Variants in VPS8 observed in about 807,000 individuals in gnomAD.
VPS8 encodes vacuolar protein sorting-associated protein 8 homolog.
VPS8 carries 129 observed loss-of-function variants against 216.4 expected under a neutral mutation model. The ratio of observed to expected loss-of-function variants is 0.60; its 90% confidence interval spans 0.52 to 0.69. The LOEUF (loss-of-function observed/expected upper bound fraction) is 0.69. VPS8 is among the 30% of genes least tolerant of loss of function. VPS8 has a pLI of 0.00. For missense variants in VPS8, 1,531 were observed against 1,683.5 expected (o/e 0.91, Z 1.59); for synonymous variants, 571 against 565.4 (o/e 1.01, Z -0.14).
chr3:185,024,355 A>G lies in VPS8; in HGVS notation c.4022A>G (p.Tyr1341Cys), dbSNP rs1186101030. ...TPSQVKMSPS[Y>C]HQSKGDPTAK... ...TTCCAGGTAAAAATGTCTCCATCGT[A>G]TCATCAGTCCAAAGGGGATCCCACT... Residue 1341 changes from tyrosine to cysteine, a missense_variant, in exon 46 of 48, where the codon TAT (tyrosine) becomes TGT (cysteine). By Grantham distance (194) the Tyr-to-Cys change is radical. Coordinates refer to ENST00000625842, the MANE Select transcript of VPS8 (RefSeq NM_001009921.3). 1.3e-6 allele frequency: 2 copies of G among 1,597,822 alleles called. No individual in the cohort carries two copies. The highest frequency in any genetic ancestry group is 8.5e-7 in the Non-Finnish European group (1 of 1,171,440).
At chr3:184,824,517 G>T (rs1718292326) in intron 1 of VPS8, 28 bp from the exon 2 acceptor site, 1 of 1,116,844 alleles carries the variant, frequency 9.0e-7, no homozygotes, top group Non-Finnish European at 1.3e-6. Flanking sequence ...GTTTTGTTTT[G>T]TTTTTGTTTT....
At chr3:184,943,344 G>A (rs1421876402) in intron 36 of VPS8, among the ~76,000 whole-genome samples, 1 of 152,186 alleles carries the variant, frequency 6.6e-6, no homozygotes, top group Non-Finnish European at 1.5e-5. Context: ...AAAGCGCAGA[G>A]CACATGGATT....
intron 45 of VPS8, among the ~76,000 whole-genome samples, chr3:185,002,531 T>G (rs1298952308): frequency 6.6e-6 from 1 of 152,166 alleles, no homozygotes; most frequent in African/African-American, 2.4e-5. Flanking sequence ...ATTTCTGAGA[T>G]TTTGGTGCAC....
In VPS8 at chr3:184,919,319, A is replaced by G. The variant is rs560788922; in HGVS notation, c.2383-808A>G. Among the ~76,000 whole-genome samples the G allele has an allele frequency of 1.8e-3, 268 of 152,376 alleles. 1 individual carries two copies. The highest frequency in any genetic ancestry group is 6.3e-3 in the African/African-American group (262 of 41,598). ...TGCTACGTGGATTTAAACATTTCTC[A>G]GAATCAAATGAACTAAGTGAAAACC... On this transcript the variant is annotated intron_variant, in intron 28 of 47. Transcript: ENST00000625842.
intron 9 of VPS8, 103 bp from the exon 10 acceptor site, chr3:184,849,833 A>G (rs924357366): frequency 3.6e-6 from 3 of 842,784 alleles, no homozygotes; most frequent in African/African-American, 3.4e-5. Flanking sequence ...TTTGCCTGCA[A>G]TGTTTATAGT....
At chr3:185,017,286 C>CA (rs1451382271) in intron 45 of VPS8, among the ~76,000 whole-genome samples, 1 of 152,080 alleles carries the variant, frequency 6.6e-6, no homozygotes, top group African/African-American at 2.4e-5. Flanking sequence ...CGTGGACGGC[C>CA]AGTGCTATAG....
intron 40 of VPS8, among the ~76,000 whole-genome samples, chr3:184,972,320 C>T (rs1417834043): frequency 6.6e-6 from 1 of 152,166 alleles, no homozygotes; most frequent in African/African-American, 2.4e-5. Flanking sequence ...TGCCTGTTCT[C>T]TTTGGACTGA....
At chr3:184,914,121 T>C (rs1034299345) in intron 26 of VPS8, among the ~76,000 whole-genome samples, 2 of 152,216 alleles carry the variant, frequency 1.3e-5, no homozygotes, top group Non-Finnish European at 2.9e-5. Context: ...TTTCGGTAGA[T>C]GACTATTTGT....
intron 29 of VPS8, 32 bp from the exon 30 acceptor site, chr3:184,924,830 G>C: frequency 2.5e-6 from 4 of 1,577,822 alleles, no homozygotes; most frequent in Non-Finnish European, 3.4e-6. Flanking sequence ...ACCAAATGGT[G>C]TATTGAATAA....
At chr3:185,046,372 GATTAGGCTCAGTAAAC>G (rs1712913217) in intron 46 of VPS8, among the ~76,000 whole-genome samples, 1 of 152,206 alleles carries the variant, frequency 6.6e-6, no homozygotes, top group African/African-American at 2.4e-5. Flanking sequence ...TAAAAGCCAT[GATTAGGCTCAGTAAAC>G]ATTACTGTTT....
At chr3:184,968,800 C>A (rs1198390384) in intron 39 of VPS8, among the ~76,000 whole-genome samples, 2 of 152,176 alleles carry the variant, frequency 1.3e-5, no homozygotes, top group Non-Finnish European at 1.5e-5. Flanking sequence ...TTTAGATTAT[C>A]CTCTTTAACA....
intron 8 of VPS8, among the ~76,000 whole-genome samples, chr3:184,843,834 G>GT (rs1326736695): frequency 1.3e-5 from 2 of 152,116 alleles, no homozygotes; most frequent in South Asian, 2.1e-4. Context: ...TTTATTTACT[G>GT]TTTAAGTTTT....
intron 5 of VPS8, among the ~76,000 whole-genome samples, chr3:184,837,514 G>A (rs532969129): frequency 6.6e-6 from 1 of 152,262 alleles, no homozygotes; most frequent in South Asian, 2.1e-4. Context: ...TAATTGTCGA[G>A]CATTATGTTA....
chr3:184,832,542 G>A (rs1326528313), intron 3 of VPS8, 147 bp from the exon 4 acceptor site: 3 of 684,468 alleles, frequency 4.4e-6, no homozygotes, highest in East Asian at 2.9e-5. Context: ...ATTCTGTATG[G>A]TTTCTTTCTG....
intron 39 of VPS8, among the ~76,000 whole-genome samples, chr3:184,968,002 G>A (rs1213807699): frequency 6.6e-6 from 1 of 151,938 alleles, no homozygotes; most frequent in Admixed American, 6.6e-5. Flanking sequence ...CTCCCAAACT[G>A]AAAATCTGTA....
At chr3:184,886,672 C>A (rs1008886363) in intron 22 of VPS8, among the ~76,000 whole-genome samples, 1 of 151,916 alleles carries the variant, frequency 6.6e-6, no homozygotes, top group African/African-American at 2.4e-5. Flanking sequence ...CTCCGCCTCC[C>A]GGGTTCAAGA....
At chr3:184,871,834 G>T (rs1287759313) in intron 21 of VPS8, among the ~76,000 whole-genome samples, 1 of 152,120 alleles carries the variant, frequency 6.6e-6, no homozygotes, top group Admixed American at 6.5e-5. Flanking sequence ...TATTCTATTT[G>T]ATGCTTGTAA....
rs112215071 is a variant in VPS8, at chr3:185,041,753, A to G, written c.4057-6726A>G. ...ATGGAATTTGAACAGAGCTTCGCAG[A>G]TTGTGCTGCTCTAATGTGTGTGGTG... is the stretch of plus-strand genomic sequence containing the variant. On this transcript the variant is annotated intron_variant, in intron 46 of 47. Coordinates refer to ENST00000625842, the MANE Select transcript of VPS8 (RefSeq NM_001009921.3). 6.1e-3 allele frequency among the ~76,000 whole-genome samples: 936 copies of G among 152,308 alleles called. 8 individuals are homozygous for G. Among genetic ancestry groups the G allele is most frequent in the African/African-American group, 0.021 (884 of 41,560 alleles).
intron 40 of VPS8, among the ~76,000 whole-genome samples, chr3:184,976,899 T>C (rs893988100): frequency 2.0e-5 from 3 of 152,188 alleles, no homozygotes; most frequent in African/African-American, 7.2e-5. Flanking sequence ...GTCTTTGCTA[T>C]TGTGATAGTG....
Sources: gnomAD v4.1 joint callset for allele counts (sites outside exome capture counted in the v4.1 genomes callset) on GRCh38, gnomAD v4.1.1 for gene constraint, MANE v1.5 for transcripts, NCBI Gene and HGNC (gene_info 2026-07-23, HGNC 2026-07-21) for gene names.